The following HMCN1 variants were observed in gnomAD, a reference collection of about 807,000 sequenced individuals.
The protein encoded by HMCN1 is hemicentin-1.
Under a neutral mutation model 625.9 loss-of-function variants are expected in HMCN1, and 321 were observed. The observed-to-expected ratio is 0.51, with a 90% CI of 0.47 to 0.56. HMCN1 has a LOEUF of 0.56. Ranked by LOEUF, HMCN1 falls within the 20% of genes least tolerant of loss-of-function variation. The probability of loss-of-function intolerance (pLI) is 0.00; values close to 1 mark genes in which losing one functional copy is unlikely to be tolerated. For synonymous variants in HMCN1, 2,425 were observed against 2,417.6 expected, an observed-to-expected ratio of 1.00 and a Z score of -0.09; for missense variants, 6,588 against 6,887.3, an observed-to-expected ratio of 0.96 and a Z score of 1.54.
intron 55 of HMCN1, 33 bp from the exon 56 acceptor site, chr1:186,081,174 C>T (rs1465057630): frequency 2.6e-6 from 4 of 1,559,754 alleles, no homozygotes; most frequent in Admixed American, 1.7e-5. Flanking sequence ...GACTGTTGCC[C>T]ATTTTTCTCC....
intron 77 of HMCN1, among the ~76,000 whole-genome samples, chr1:186,118,406 G>A (rs1051454060): frequency 6.6e-6 from 1 of 152,104 alleles, no homozygotes; most frequent in Non-Finnish European, 1.5e-5. Flanking sequence ...TGGATTGGTA[G>A]CAATTGAAAT....
chr1:185,744,309 C>G (rs982284240), intron 1 of HMCN1, among the ~76,000 whole-genome samples: 4 of 152,070 alleles, frequency 2.6e-5, no homozygotes, highest in African/African-American at 9.7e-5. Flanking sequence ...GACTGTTAAT[C>G]AACCTATAGG....
At chr1:185,763,831 C>T (rs530151161) in intron 1 of HMCN1, among the ~76,000 whole-genome samples, 1 of 152,228 alleles carries the variant, frequency 6.6e-6, no homozygotes, top group South Asian at 2.1e-4. Context: ...TACTCATGTT[C>T]TAAGTTTTAT....
chr1:185,946,926 C>T (rs1457124889), intron 11 of HMCN1, among the ~76,000 whole-genome samples: 1 of 152,090 alleles, frequency 6.6e-6, no homozygotes, highest in Admixed American at 6.6e-5. Context: ...TGCATATTTG[C>T]CATTAAGAGT....
At chr1:185,953,781 A>C (rs915078937) in intron 11 of HMCN1, among the ~76,000 whole-genome samples, 8 of 151,882 alleles carry the variant, frequency 5.3e-5, no homozygotes, top group Admixed American at 3.9e-4. Flanking sequence ...CATCCGTGTG[A>C]AGAGACCACC....
At chr1:186,001,165 AT>A in intron 26 of HMCN1, 132 bp from the exon 27 acceptor site, 1 of 740,410 alleles carries the variant, frequency 1.4e-6, no homozygotes, top group Admixed American at 2.4e-5. Context: ...ATAACAAAGC[AT>A]ATGCTTAAAT....
intron 42 of HMCN1, 74 bp downstream of exon 42, chr1:186,048,913 A>T: frequency 1.1e-6 from 1 of 877,818 alleles, no homozygotes; most frequent in Non-Finnish European, 1.9e-6. Flanking sequence ...ACATTCATCC[A>T]TGTAACTAAA....
chr1:185,899,820 C>G (rs1354302647), intron 4 of HMCN1, among the ~76,000 whole-genome samples: 1 of 151,992 alleles, frequency 6.6e-6, no homozygotes, highest in Non-Finnish European at 1.5e-5. Flanking sequence ...ACTTTGTCAC[C>G]TTTGTGTATC....
intron 35 of HMCN1, among the ~76,000 whole-genome samples, chr1:186,021,907 A>G (rs999643306): frequency 9.2e-5 from 14 of 152,118 alleles, no homozygotes; most frequent in Non-Finnish European, 1.5e-5. Context: ...TTATAATCCC[A>G]CAGTGGCTGT....
intron 1 of HMCN1, among the ~76,000 whole-genome samples, chr1:185,753,429 A>AT (rs1485733123): frequency 2.0e-5 from 3 of 151,624 alleles, no homozygotes; most frequent in Non-Finnish European, 4.4e-5. Context: ...ATCATCTCTA[A>AT]TTTTTTGTTT....
rs879858566 is a variant in HMCN1 at position 185,891,849 on chromosome 1, C to T, written c.622-17488C>T. On this transcript the variant is annotated intron_variant, in intron 4 of 106. Coordinates refer to ENST00000271588, the MANE Select transcript of HMCN1 (RefSeq NM_031935.3). ...GTTCTCTCTATTTCCTGAATCTGAA[C>T]GTTGGCCTGCCTTGCTAGATTGGGG... 2.9e-4 allele frequency among the ~76,000 whole-genome samples: 43 copies of T among 147,696 alleles called. 1 individual carries two copies. The highest frequency in any genetic ancestry group is 4.7e-4 in the Non-Finnish European group (32 of 68,016).
At chr1:186,027,168 G>A (rs530523546) in intron 36 of HMCN1, among the ~76,000 whole-genome samples, 6 of 152,276 alleles carry the variant, frequency 3.9e-5, no homozygotes, top group South Asian at 2.1e-4. Flanking sequence ...AGGAGACCAC[G>A]TCATGATCAA....
intron 1 of HMCN1, among the ~76,000 whole-genome samples, chr1:185,737,827 T>A (rs967452332): frequency 6.6e-6 from 1 of 152,198 alleles, no homozygotes; most frequent in Non-Finnish European, 1.5e-5. Context: ...TTGCAGATGA[T>A]TGCTTTGGAG....
intron 60 of HMCN1, 104 bp downstream of exon 60, chr1:186,087,749 T>G: frequency 7.7e-7 from 1 of 1,297,272 alleles, no homozygotes; most frequent in Non-Finnish European, 1.1e-6. Context: ...AAAATGATTT[T>G]CATTAAAAAA....
chr1:185,734,850 C>T lies in HMCN1; in HGVS notation c.71C>T (p.Ala24Val), dbSNP rs1653446972. The T allele has an allele frequency of 6.2e-7, 1 of 1,613,760 alleles. No homozygotes were observed. The highest frequency in any genetic ancestry group is 1.3e-5 in the African/African-American group (1 of 74,996). ...ALLYSSLAQD[A>V]SPQSEIRAEE... is the part of the protein sequence containing the mutation. Reference sequence around the variant, plus strand: ...CTTTATTCTTCCCTAGCTCAAGATGCGAGCCCCCAGTCAGAGATCAGAGCT... The same window carrying T: ...CTTTATTCTTCCCTAGCTCAAGATGTGAGCCCCCAGTCAGAGATCAGAGCT... Residue 24 changes from alanine (A) to valine (V), a missense_variant, in exon 1 of 107, where the codon GCG becomes GTG. Physicochemically the swap from Ala to Val is moderately conservative, Grantham distance 64 (BLOSUM62 0). Coordinates refer to ENST00000271588, the MANE Select transcript of HMCN1 (RefSeq NM_031935.3).
rs771367891 is a variant in HMCN1 at position 185,933,517 on chromosome 1, T to A, written c.1553-32T>A. On this transcript the variant is annotated intron_variant, in intron 10 of 106. Coordinates refer to ENST00000271588, the MANE Select transcript of HMCN1 (RefSeq NM_031935.3). ...GTAAGTGAGCAAAATGGCTTTTAGGTCTCTTGATTTGAATTTTTTGATTTC... is the reference window on the plus strand; with the variant it reads ...GTAAGTGAGCAAAATGGCTTTTAGGACTCTTGATTTGAATTTTTTGATTTC... 5 of 1,613,106 alleles carry A rather than the reference T, an allele frequency of 3.1e-6. No homozygotes were observed. In the Admixed American group the frequency reaches 8.3e-5, roughly 27 times the overall value.
chr1:185,865,971 G>T, intron 4 of HMCN1, 108 bp downstream of exon 4: 1 of 1,080,756 alleles, frequency 9.3e-7, no homozygotes, highest in Non-Finnish European at 1.4e-6. Flanking sequence ...TAACCAAAAG[G>T]TATAACTCCA....
intron 54 of HMCN1, among the ~76,000 whole-genome samples, chr1:186,076,900 T>C (rs1454142203): frequency 6.6e-6 from 1 of 152,220 alleles, no homozygotes; most frequent in African/African-American, 2.4e-5. Flanking sequence ...ATTTCTCTTT[T>C]AGTGCAATAA....
At chr1:186,077,907 G>A (rs1258664066) in intron 54 of HMCN1, among the ~76,000 whole-genome samples, 200 bp from the exon 55 acceptor site, 3 of 152,104 alleles carry the variant, frequency 2.0e-5, no homozygotes, top group East Asian at 1.9e-4. Context: ...CAGGAGTTCC[G>A]ATTCATATGT....
Sources: gnomAD v4.1 joint callset for allele counts (sites outside exome capture counted in the v4.1 genomes callset) on GRCh38, gnomAD v4.1.1 for gene constraint, MANE v1.5 for transcripts, NCBI Gene and HGNC (gene_info 2026-07-23, HGNC 2026-07-21) for gene names.